The following DDAH1 variants were observed in gnomAD, a reference collection of about 807,000 sequenced individuals.
DDAH1 encodes the protein N(G),N(G)-dimethylarginine dimethylaminohydrolase 1.
A neutral mutation model predicts 28.8 loss-of-function variants in DDAH1; 19 were observed. The observed-to-expected ratio is 0.66, with a 90% CI of 0.46 to 0.97. DDAH1 has a LOEUF of 0.97. DDAH1 is among the 50% of genes least tolerant of loss of function. DDAH1 has a pLI of 0.00. For missense variants in DDAH1, 326 were observed against 375.9 expected, an observed-to-expected ratio of 0.87 and a Z score of 1.10; for synonymous variants, 153 against 154.4, an observed-to-expected ratio of 0.99 and a Z score of 0.07.
intron 1 of DDAH1, among the ~76,000 whole-genome samples, chr1:85,544,182 A>G (rs1196119505): frequency 1.3e-5 from 2 of 152,210 alleles, no homozygotes; most frequent in African/African-American, 2.4e-5. Context: ...AATGATGAAC[A>G]CTGTAGAATA....
intron 1 of DDAH1, among the ~76,000 whole-genome samples, chr1:85,558,935 A>G (rs1659062228): frequency 6.6e-6 from 1 of 152,228 alleles, no homozygotes; most frequent in Non-Finnish European, 1.5e-5. Context: ...TGGCTGCATA[A>G]TTCCTCCCAA....
At chr1:85,404,938 G>A (rs536445832) in intron 1 of DDAH1, among the ~76,000 whole-genome samples, 1 of 152,148 alleles carries the variant, frequency 6.6e-6, no homozygotes, top group East Asian at 1.9e-4. Flanking sequence ...TTTGGGTTTT[G>A]TTTTGCTTCA....
chr1:85,495,456 T>C (rs748829497), intron 2 of DDAH1: 1 of 152,172 alleles, frequency 6.6e-6, no homozygotes, highest in East Asian at 1.9e-4. Flanking sequence ...CAGATGTAAT[T>C]GTTGAAAATT....
intron 1 of DDAH1, among the ~76,000 whole-genome samples, chr1:85,567,481 T>C (rs953908784): frequency 6.6e-6 from 1 of 152,234 alleles, no homozygotes; most frequent in Non-Finnish European, 1.5e-5. Flanking sequence ...CCATGTAAGA[T>C]GTGACTTGCT....
intron 1 of DDAH1, among the ~76,000 whole-genome samples, chr1:85,372,425 A>G (rs1650431792): frequency 6.6e-6 from 1 of 152,148 alleles, no homozygotes; most frequent in African/African-American, 2.4e-5. Context: ...CCTCAGCTGG[A>G]AAAGACTGGA....
At chr1:85,351,005 T>C (rs1046285373) in intron 3 of DDAH1, among the ~76,000 whole-genome samples, 2 of 151,674 alleles carry the variant, frequency 1.3e-5, no homozygotes, top group African/African-American at 4.8e-5. Context: ...AGGTGACCCC[T>C]GATTCCAATC....
chr1:85,425,126 T>C (rs963953561), intron 1 of DDAH1, among the ~76,000 whole-genome samples: 6 of 152,170 alleles, frequency 3.9e-5, no homozygotes, highest in African/African-American at 1.4e-4. Flanking sequence ...TCATGTCACA[T>C]TAACTACCAG....
intron 1 of DDAH1, chr1:85,379,636 T>C (rs1048524072): frequency 2.0e-6 from 2 of 985,378 alleles, no homozygotes; most frequent in Non-Finnish European, 2.4e-6. Flanking sequence ...TCTTCACCAT[T>C]ATACTACTGT....
chr1:85,413,169 T>G (rs1438843698), intron 1 of DDAH1, among the ~76,000 whole-genome samples: 1 of 152,338 alleles, frequency 6.6e-6, no homozygotes, highest in Non-Finnish European at 1.5e-5. Flanking sequence ...TCAAGGAAAT[T>G]TAGTGCACTT....
At chr1:85,363,787 G>A (rs751771269) in intron 1 of DDAH1, among the ~76,000 whole-genome samples, 1 of 152,082 alleles carries the variant, frequency 6.6e-6, no homozygotes, top group African/African-American at 2.4e-5. Flanking sequence ...TGGTCACTGT[G>A]GCCACTTGCT....
chr1:85,350,248 G>A (rs1384062860), intron 4 of DDAH1, among the ~76,000 whole-genome samples, 167 bp downstream of exon 4: 1 of 151,948 alleles, frequency 6.6e-6, no homozygotes, highest in Non-Finnish European at 1.5e-5. Context: ...AGGTGTTCCT[G>A]GCTTCTAATG....
chr1:85,520,431 C>T (rs1481378939), intron 1 of DDAH1, among the ~76,000 whole-genome samples: 2 of 152,246 alleles, frequency 1.3e-5, no homozygotes, highest in East Asian at 3.9e-4. Flanking sequence ...ACTACTTGTC[C>T]ATTGGTTAAG....
chr1:85,359,959 CA>C (rs1243275351), intron 1 of DDAH1, among the ~76,000 whole-genome samples: 1 of 152,122 alleles, frequency 6.6e-6, no homozygotes, highest in African/African-American at 2.4e-5. Flanking sequence ...TAAATATTTT[CA>C]AAGGTCTGCA....
At position 85,547,946 on chromosome 1, in the gene DDAH1, T is replaced by G. The variant is rs778861811; in HGVS notation, c.-123+30038A>C. Among the ~76,000 whole-genome samples the G allele has an allele frequency of 1.7e-4, 26 of 152,196 alleles. 1 individual carries two copies. The highest frequency in any genetic ancestry group is 3.1e-4 in the Non-Finnish European group (21 of 68,026). Reference sequence around the variant, plus strand: ...AATGTTTTAAAAATAGACAGTCTATTTGTAGATAAAATAAGTTGACACAGG... The same window carrying G: ...AATGTTTTAAAAATAGACAGTCTATGTGTAGATAAAATAAGTTGACACAGG... On this transcript the variant is annotated intron_variant, in intron 1 of 6. Coordinates refer to the DDAH1 transcript ENST00000426972.
chr1:85,549,524 C>T (rs926382544), intron 1 of DDAH1, among the ~76,000 whole-genome samples: 16 of 152,174 alleles, frequency 1.1e-4, no homozygotes, highest in Non-Finnish European at 2.2e-4. Context: ...GAAGTGGACA[C>T]GGAAGGCACC....
At chr1:85,507,781 C>T (rs1174807391) in intron 1 of DDAH1, among the ~76,000 whole-genome samples, 3 of 152,068 alleles carry the variant, frequency 2.0e-5, no homozygotes, top group Admixed American at 6.6e-5. Flanking sequence ...GGACAGCTCC[C>T]CCAGTCCTTC....
intron 1 of DDAH1, among the ~76,000 whole-genome samples, chr1:85,570,269 A>G (rs1221352553): frequency 1.3e-5 from 2 of 151,598 alleles, no homozygotes; most frequent in African/African-American, 4.8e-5. Flanking sequence ...TCTTCTCCTG[A>G]TGCCTGATAT....
At chr1:85,332,899 G>T (rs1459571239) in intron 4 of DDAH1, among the ~76,000 whole-genome samples, 3 of 152,130 alleles carry the variant, frequency 2.0e-5, no homozygotes, top group East Asian at 1.9e-4. Context: ...GGACTGGGCT[G>T]CCCAGCCCAT....
chr1:85,543,599 G>A (rs1257534824), intron 1 of DDAH1, among the ~76,000 whole-genome samples: 3 of 152,160 alleles, frequency 2.0e-5, no homozygotes, highest in Non-Finnish European at 2.9e-5. Context: ...AGAAACACAA[G>A]CACTTAAATT....
Sources: allele counts gnomAD v4.1 joint callset (sites outside exome capture counted in the v4.1 genomes callset), GRCh38; gene constraint gnomAD v4.1.1; transcripts MANE v1.5; gene names NCBI Gene and HGNC (gene_info 2026-07-23, HGNC 2026-07-21).